Variants in CACNA1D observed in about 807,000 individuals in gnomAD.
CACNA1D encodes voltage-dependent L-type calcium channel subunit alpha-1D.
Under a neutral mutation model 257.1 loss-of-function variants are expected in CACNA1D, and 55 were observed. The observed-to-expected ratio is 0.21, with a 90% CI of 0.17 to 0.27. The LOEUF is 0.27. CACNA1D is among the 10% of genes least tolerant of loss of function. The probability of loss-of-function intolerance (pLI) is 1.00; values close to 1 mark genes in which losing one functional copy is unlikely to be tolerated. For synonymous variants in CACNA1D, 980 were observed against 1,014.9 expected (o/e 0.97, Z 0.65); for missense variants, 1,876 against 2,784.0 (o/e 0.67, Z 7.34).
chr3:53,620,081 T>C (rs527889609), intron 3 of CACNA1D, among the ~76,000 whole-genome samples: 2 of 152,218 alleles, frequency 1.3e-5, no homozygotes, highest in African/African-American at 4.8e-5. Context: ...AATAATACAC[T>C]AAGTATCATG....
chr3:53,802,291 T>A, intron 43 of CACNA1D, 118 bp downstream of exon 43: 1 of 898,444 alleles, frequency 1.1e-6, no homozygotes, highest in Non-Finnish European at 1.9e-6. Context: ...AAGGTTATCA[T>A]AATTCATGGC....
Position 53,559,909 on chromosome 3 carries a change from T to C in CACNA1D, c.483+58189T>C, listed in dbSNP as rs529296390. 2.0e-4 allele frequency among the ~76,000 whole-genome samples: 31 copies of C among 152,208 alleles called. No homozygotes were observed. In the South Asian group the frequency reaches 4.4e-3, roughly 21 times the overall value. On this transcript the variant is annotated intron_variant, in intron 3 of 47. Coordinates refer to ENST00000350061, the MANE Select transcript of CACNA1D (RefSeq NM_001128840.3). ...GCCCCTTATTCTGGGACTACAACTC[T>C]TGTGAGAATCATTCTTCTTTCTCAG...
intron 39 of CACNA1D, among the ~76,000 whole-genome samples, chr3:53,783,996 C>T (rs1382092394): frequency 6.6e-6 from 1 of 152,192 alleles, no homozygotes; most frequent in Non-Finnish European, 1.5e-5. Context: ...GGTGATAGAA[C>T]TGAGTCAGAT....
chr3:53,762,065 C>T lies in CACNA1D; in HGVS notation c.3854C>T (p.Ala1285Val), dbSNP rs371512946. 165 of 1,612,406 alleles carry T rather than the reference C, an allele frequency of 1.0e-4. 2 individuals carry two copies. In the East Asian group the frequency reaches 2.6e-3, roughly 25 times the overall value. The change falls in exon 30 of 48, where the codon GCC becomes GTC. Residue 1285 changes from alanine to valine, a missense_variant. Transcript: ENST00000350061. Reference sequence around the variant, plus strand: ...GTAATCGGCAGCATTATAGACGTGGCCCTCAGCGAAGCAGACGTGAGTATG... The same window carrying T: ...GTAATCGGCAGCATTATAGACGTGGTCCTCAGCGAAGCAGACGTGAGTATG... Reference protein sequence around the residue: ...LIVIGSIIDVALSEADPTESE... With the variant: ...LIVIGSIIDVVLSEADPTESE...
At position 53,813,704 on chromosome 3, in the gene CACNA1D, C is replaced by T. The variant is rs151143058; in HGVS notation, c.*2298C>T. 5 of 152,260 alleles carry T rather than the reference C, an allele frequency of 3.3e-5. No individual in the cohort carries two copies. The highest frequency in any genetic ancestry group is 7.4e-5 in the Non-Finnish European group (5 of 68,020). 9.4% of individuals were successfully genotyped at this position (152,260 alleles called of 1,614,324 possible). A position where few individuals can be genotyped will look rare whatever the true frequency, so the allele number is the denominator to read the frequency against. ...CTTTAAGCCTGGTTCAACCTCTCAT[C>T]GAATATTAAATTTTTCTTTGTAAGA... is the stretch of plus-strand genomic sequence containing the variant. On this transcript the variant is annotated 3_prime_UTR_variant, in exon 48 of 48. Transcript: ENST00000350061.
intron 8 of CACNA1D, among the ~76,000 whole-genome samples, chr3:53,680,165 A>G (rs2094416046): frequency 1.3e-5 from 2 of 152,100 alleles, no homozygotes; most frequent in Admixed American, 6.6e-5. Context: ...TACTGTTTCC[A>G]TAGAAATGGC....
intron 46 of CACNA1D, chr3:53,809,533 C>A: frequency 3.8e-6 from 1 of 263,084 alleles, no homozygotes; most frequent in Non-Finnish European, 7.5e-6. Context: ...TTAGCACATG[C>A]CAAATGCCGG....
At chr3:53,554,055 G>T (rs1426039356) in intron 3 of CACNA1D, among the ~76,000 whole-genome samples, 1 of 151,924 alleles carries the variant, frequency 6.6e-6, no homozygotes, top group African/African-American at 2.4e-5. Context: ...AATTAGCTGG[G>T]CGTGGTGGTG....
chr3:53,623,037 G>A (rs896686755), intron 3 of CACNA1D, among the ~76,000 whole-genome samples: 4 of 152,088 alleles, frequency 2.6e-5, no homozygotes, highest in African/African-American at 4.8e-5. Flanking sequence ...CACTACAGGC[G>A]CTCGCCAACA....
chr3:53,642,768 C>T (rs755482170), intron 3 of CACNA1D, among the ~76,000 whole-genome samples: 1 of 152,246 alleles, frequency 6.6e-6, no homozygotes, highest in Non-Finnish European at 1.5e-5. Context: ...TGGGCCAGGG[C>T]CTTGCCCCAC....
chr3:53,539,375 T>C (rs547287689), intron 3 of CACNA1D, among the ~76,000 whole-genome samples: 3 of 152,228 alleles, frequency 2.0e-5, no homozygotes, highest in Non-Finnish European at 4.4e-5. Context: ...CCCAAAGTGC[T>C]GGGATTACCA....
At chr3:53,618,791 C>A (rs1053131971) in intron 3 of CACNA1D, among the ~76,000 whole-genome samples, 2 of 152,210 alleles carry the variant, frequency 1.3e-5, no homozygotes, top group Non-Finnish European at 2.9e-5. Flanking sequence ...TAAGGCAGGG[C>A]ACTACAGTAG....
At chr3:53,548,527 C>T (rs938002138) in intron 3 of CACNA1D, among the ~76,000 whole-genome samples, 1 of 152,194 alleles carries the variant, frequency 6.6e-6, no homozygotes, top group African/African-American at 2.4e-5. Flanking sequence ...CTGCTGTGCT[C>T]GAGTGATGGT....
At chr3:53,687,043 A>G (rs2094479166) in intron 8 of CACNA1D, among the ~76,000 whole-genome samples, 1 of 152,056 alleles carries the variant, frequency 6.6e-6, no homozygotes. Context: ...AAAATTATTT[A>G]CAATAGCATT....
At chr3:53,667,078 A>G (rs1248275051) in intron 7 of CACNA1D, among the ~76,000 whole-genome samples, 2 of 152,178 alleles carry the variant, frequency 1.3e-5, no homozygotes, top group Admixed American at 6.5e-5. Context: ...TAGTATTACT[A>G]TAAATCATCC....
chr3:53,788,447 GT>G, intron 40 of CACNA1D, among the ~76,000 whole-genome samples: 1 of 152,352 alleles, frequency 6.6e-6, no homozygotes, highest in Middle Eastern at 3.4e-3. Context: ...AACCAATCCA[GT>G]TTGTAAAAGT....
At chr3:53,697,396 G>A (rs2094582503) in intron 8 of CACNA1D, among the ~76,000 whole-genome samples, 1 of 152,182 alleles carries the variant, frequency 6.6e-6, no homozygotes, top group South Asian at 2.1e-4. Flanking sequence ...GCGCCAAGGG[G>A]AAATAGAGAC....
chr3:53,667,191 A>G (rs2094274942), intron 7 of CACNA1D, among the ~76,000 whole-genome samples: 1 of 152,192 alleles, frequency 6.6e-6, no homozygotes, highest in Non-Finnish European at 1.5e-5. Flanking sequence ...GGACCCATCC[A>G]GCCTGCCATG....
chr3:53,688,042 C>T (rs539566968), intron 8 of CACNA1D, among the ~76,000 whole-genome samples: 21 of 152,190 alleles, frequency 1.4e-4, no homozygotes, highest in Non-Finnish European at 2.8e-4. Context: ...TAAAGTTAAA[C>T]ATATACTCAC....
Sources: allele counts gnomAD v4.1 joint callset (sites outside exome capture counted in the v4.1 genomes callset), GRCh38; gene constraint gnomAD v4.1.1; transcripts MANE v1.5; gene names NCBI Gene and HGNC (gene_info 2026-07-23, HGNC 2026-07-21).